The following NEDD4L variants were observed in gnomAD, a reference collection of about 807,000 sequenced individuals.
NEDD4L encodes the protein E3 ubiquitin-protein ligase NEDD4-like.
A neutral mutation model predicts 148.9 loss-of-function variants in NEDD4L; 54 were observed. The ratio of observed to expected loss-of-function variants is 0.36; its 90% confidence interval spans 0.29 to 0.45. The LOEUF (loss-of-function observed/expected upper bound fraction) is 0.45, where lower values mean the gene tolerates loss of function less well. Among genes scored for constraint, NEDD4L ranks in the 20% least tolerant of loss-of-function variants. The pLI, the probability that NEDD4L is intolerant of heterozygous loss-of-function variation, is 1.00. For missense variants in NEDD4L, 856 were observed against 1,233.8 expected, an observed-to-expected ratio of 0.69 and a Z score of 4.59; for synonymous variants, 433 against 440.7, an observed-to-expected ratio of 0.98 and a Z score of 0.22.
chr18:58,328,965 CTT>C, intron 9 of NEDD4L, 28 bp from the exon 10 acceptor site: 1 of 1,613,558 alleles, frequency 6.2e-7, no homozygotes, highest in South Asian at 1.1e-5. Context: ...CACTTCTCTT[CTT>C]CTCTTTCCCC....
In NEDD4L at chr18:58,163,072, G is replaced by GAA. The variant is rs34276141; in HGVS notation, c.49-2705_49-2704dup. ...GAGTAAGACTCTGTCTCAAAAAAAA[G>GAA]AAAAAAAAAAAAGAAATGGGGTGTT... On this transcript the variant is annotated intron_variant, in intron 1 of 30. Transcript: ENST00000400345. 1.0e-4 allele frequency among the ~76,000 whole-genome samples: 15 copies of GAA among 147,540 alleles called. 1 individual carries two copies. The South Asian group carries it at 1.1e-3, about 11-fold the overall frequency.
intron 5 of NEDD4L, among the ~76,000 whole-genome samples, chr18:58,279,336 G>C (rs1352990373): frequency 2.0e-5 from 3 of 152,178 alleles, no homozygotes; most frequent in South Asian, 2.1e-4. Flanking sequence ...TTCAAACGAA[G>C]AAGAAGACAC....
chr18:58,196,254 C>G (rs2040674652), intron 2 of NEDD4L, among the ~76,000 whole-genome samples: 1 of 152,184 alleles, frequency 6.6e-6, no homozygotes, highest in Non-Finnish European at 1.5e-5. Context: ...ATAGCTAATG[C>G]AATCAGCCAG....
At chr18:58,174,268 G>T (rs1016321199) in intron 2 of NEDD4L, among the ~76,000 whole-genome samples, 1 of 152,002 alleles carries the variant, frequency 6.6e-6, no homozygotes, top group Non-Finnish European at 1.5e-5. Flanking sequence ...CAGGCTGCAG[G>T]TAGTATTGGA....
At chr18:58,262,561 G>A (rs11874311) in intron 5 of NEDD4L, among the ~76,000 whole-genome samples, 26,398 of 151,568 alleles carry the variant, frequency 0.17, 2,526 homozygotes, top group Non-Finnish European at 0.21. Flanking sequence ...CCCGGGAGGC[G>A]GAGGTTGCAG....
At chr18:58,084,866 C>T (rs1472924082) in intron 1 of NEDD4L, among the ~76,000 whole-genome samples, 6 of 151,846 alleles carry the variant, frequency 4.0e-5, no homozygotes, top group South Asian at 2.1e-4. Flanking sequence ...AGCTAAGTTT[C>T]GTAATTTTGG....
intron 1 of NEDD4L, among the ~76,000 whole-genome samples, chr18:58,096,093 G>C (rs186506759): frequency 6.6e-6 from 1 of 152,066 alleles, no homozygotes; most frequent in African/African-American, 2.4e-5. Flanking sequence ...ACATGGAAAG[G>C]CTCATCCATT....
At chr18:58,173,652 C>G (rs1599355342) in intron 2 of NEDD4L, among the ~76,000 whole-genome samples, 1 of 152,142 alleles carries the variant, frequency 6.6e-6, no homozygotes, top group Non-Finnish European at 1.5e-5. Flanking sequence ...CTTTTTTTCC[C>G]TGAAGTATTC....
At chr18:58,249,772 A>G (rs1430656510) in intron 4 of NEDD4L, among the ~76,000 whole-genome samples, 1 of 152,222 alleles carries the variant, frequency 6.6e-6, no homozygotes, top group Non-Finnish European at 1.5e-5. Context: ...CTCAATCGCA[A>G]TAGTATTTTT....
chr18:58,060,582 CTGAT>C (rs1474894201), intron 1 of NEDD4L, among the ~76,000 whole-genome samples: 2 of 152,068 alleles, frequency 1.3e-5, no homozygotes, highest in Non-Finnish European at 2.9e-5. Context: ...GATTTGGTCA[CTGAT>C]TGATTAGGTA....
intron 1 of NEDD4L, among the ~76,000 whole-genome samples, chr18:58,057,251 GTT>G (rs5825258): frequency 2.8e-4 from 41 of 147,972 alleles, no homozygotes; most frequent in Non-Finnish European, 3.7e-4. Context: ...CTGAAAGGAG[GTT>G]TTTTTTTTTT....
chr18:58,340,813 C>G (rs186033), intron 13 of NEDD4L: 1 of 472,650 alleles, frequency 2.1e-6, no homozygotes, highest in Non-Finnish European at 3.7e-6. Context: ...GAACCAAGTT[C>G]TGTAAGAATT....
At chr18:58,287,094 C>CTTTTTT (rs577731926) in intron 5 of NEDD4L, among the ~76,000 whole-genome samples, 2 of 136,534 alleles carry the variant, frequency 1.5e-5, no homozygotes, top group Non-Finnish European at 1.6e-5. Flanking sequence ...ACTTCTTTTT[C>CTTTTTT]TTTTTTTTTT....
chr18:58,355,717 T>G (rs2044521126), intron 18 of NEDD4L, among the ~76,000 whole-genome samples: 1 of 152,062 alleles, frequency 6.6e-6, no homozygotes, highest in South Asian at 2.1e-4. Context: ...TCCATCAAGA[T>G]TCTCTCAAAC....
At position 58,398,631 on chromosome 18, in the gene NEDD4L, C is replaced by G. The variant is rs1246590732; in HGVS notation, c.*2362C>G. 2.0e-5 allele frequency: 3 copies of G among 152,162 alleles called. No individual in the cohort carries two copies. The highest frequency in any genetic ancestry group is 7.2e-5 in the African/African-American group (3 of 41,428). 9.4% of individuals were successfully genotyped at this position (152,162 alleles called of 1,614,324 possible). ...TTCATCAACCCCTTAATAATATCAG[C>G]TTAATTTTAATGACAACTAAATATG... is the stretch of plus-strand genomic sequence containing the variant. On this transcript the variant is annotated 3_prime_UTR_variant, in exon 31 of 31. Coordinates refer to ENST00000400345, the MANE Select transcript of NEDD4L (RefSeq NM_001144967.3).
chr18:58,372,012 G>A (rs1601813508), intron 23 of NEDD4L: 1 of 152,204 alleles, frequency 6.6e-6, no homozygotes, highest in East Asian at 1.9e-4. Context: ...TCTGAAACCA[G>A]AGCAGCCACC....
chr18:58,185,609 C>T (rs1215608304), intron 2 of NEDD4L, among the ~76,000 whole-genome samples: 2 of 152,192 alleles, frequency 1.3e-5, no homozygotes, highest in East Asian at 3.9e-4. Flanking sequence ...TGCTGTGGCT[C>T]ACGCCTGTAA....
At chr18:58,322,357 G>T (rs2058868824) in intron 6 of NEDD4L, 68 bp from the exon 7 acceptor site, 1 of 1,060,982 alleles carries the variant, frequency 9.4e-7, no homozygotes, top group African/African-American at 1.6e-5. Flanking sequence ...CTGTAATCCA[G>T]TTGCCTGTAT....
At chr18:58,159,409 G>A (rs913427564) in intron 1 of NEDD4L, among the ~76,000 whole-genome samples, 5 of 152,074 alleles carry the variant, frequency 3.3e-5, no homozygotes, top group African/African-American at 4.8e-5. Context: ...GGGTGATTTC[G>A]ATGTGTGAAT....
Sources: gnomAD v4.1 joint callset for allele counts (sites outside exome capture counted in the v4.1 genomes callset) on GRCh38, gnomAD v4.1.1 for gene constraint, MANE v1.5 for transcripts, NCBI Gene and HGNC (gene_info 2026-07-23, HGNC 2026-07-21) for gene names.